OAF: variants seen among roughly 807,000 people sequenced by gnomAD.
OAF encodes the protein out at first homolog.
A neutral mutation model predicts 22.5 loss-of-function variants in OAF; 13 were observed. The observed-to-expected ratio is 0.58, with a 90% CI of 0.38 to 0.92. The LOEUF is 0.92. Ranked by LOEUF, OAF falls within the 40% of genes least tolerant of loss-of-function variation. The pLI, the probability that OAF is intolerant of heterozygous loss-of-function variation, is 0.00. For synonymous variants in OAF, 175 were observed against 170.5 expected, an observed-to-expected ratio of 1.03 and a Z score of -0.21; for missense variants, 347 against 381.8, an observed-to-expected ratio of 0.91 and a Z score of 0.76.
At chr11:120,212,803 T>G (rs1407441740) in intron 1 of OAF, among the ~76,000 whole-genome samples, 2 of 143,944 alleles carry the variant, frequency 1.4e-5, no homozygotes, top group African/African-American at 5.2e-5. Flanking sequence ...GAGTTGGCAC[T>G]GACATTGGAC....
At chr11:120,217,903 C>G (rs933400970) in intron 1 of OAF, among the ~76,000 whole-genome samples, 1 of 152,184 alleles carries the variant, frequency 6.6e-6, no homozygotes, top group Non-Finnish European at 1.5e-5. Flanking sequence ...TCATGAGGAG[C>G]TAACATCCTT....
intron 3 of OAF, among the ~76,000 whole-genome samples, 158 bp from the exon 4 acceptor site, chr11:120,228,710 T>TA (rs1197459686): frequency 1.3e-5 from 2 of 152,196 alleles, no homozygotes; most frequent in Non-Finnish European, 2.9e-5. Flanking sequence ...AACCAGGTCT[T>TA]ACCTCTGTGT....
Position 120,211,465 on chromosome 11 carries a change from C to A in OAF, c.186C>A (p.Arg62=). 1 of 1,522,240 alleles carries A rather than the reference C, an allele frequency of 6.6e-7. No homozygotes were observed. Among genetic ancestry groups the A allele is most frequent in the Non-Finnish European group, 8.8e-7 (1 of 1,131,532 alleles). 94.3% of individuals were successfully genotyped at this position (1,522,240 alleles called of 1,614,324 possible). ...SDADSISLEL[R]KPDGTLVSFT... ...CGGACAGCATCAGCCTCGAGCTGCG[C>A]AAGCCCGACGGCACCCTCGTCTCCT... Residue 62 remains arginine (R), a synonymous_variant, in exon 1 of 4, where the codon CGC becomes CGA. Coordinates refer to ENST00000328965, the MANE Select transcript of OAF (RefSeq NM_178507.4).
intron 1 of OAF, among the ~76,000 whole-genome samples, chr11:120,222,118 C>G (rs150373673): frequency 0.015 from 2,255 of 152,302 alleles, 28 homozygotes; most frequent in Non-Finnish European, 0.025. Flanking sequence ...GCCCCAGAAC[C>G]TTGCCAGGGA....
intron 2 of OAF, 135 bp downstream of exon 2, chr11:120,225,930 A>AT: frequency 4.1e-6 from 3 of 729,004 alleles, no homozygotes; most frequent in Non-Finnish European, 6.6e-6. Context: ...CTAAGCTCTG[A>AT]TTCCCCAACC....
chr11:120,223,105 G>A (rs1385218557), intron 1 of OAF, among the ~76,000 whole-genome samples: 1 of 152,202 alleles, frequency 6.6e-6, no homozygotes, highest in South Asian at 2.1e-4. Context: ...TGGGCATGAT[G>A]GGGAGCGGGT....
At position 120,230,226 on chromosome 11, in the gene OAF, C is replaced by T. The variant is rs1431997911; in HGVS notation, c.*1084C>T. 1 of 152,160 alleles carries T rather than the reference C, an allele frequency of 6.6e-6. No homozygotes were observed. The highest frequency in any genetic ancestry group is 6.5e-5 in the Admixed American group (1 of 15,280). 9.4% of individuals were successfully genotyped at this position (152,160 alleles called of 1,614,324 possible). ...CAAGAGATGGGGTGGAGATTGGAACCCCGCTTCAGATCTGGGCTCGGCTAC... is the reference window on the plus strand; with the variant it reads ...CAAGAGATGGGGTGGAGATTGGAACTCCGCTTCAGATCTGGGCTCGGCTAC... On this transcript the variant is annotated 3_prime_UTR_variant, in exon 4 of 4. Coordinates refer to ENST00000328965, the MANE Select transcript of OAF (RefSeq NM_178507.4).
intron 1 of OAF, 36 bp from the exon 2 acceptor site, chr11:120,225,625 C>T (rs568087828): frequency 1.3e-6 from 2 of 1,545,612 alleles, no homozygotes; most frequent in African/African-American, 1.4e-5. Context: ...AGGTCCCACA[C>T]CCTCCAGCCG....
intron 1 of OAF, among the ~76,000 whole-genome samples, chr11:120,218,035 A>G (rs891426560): frequency 1.1e-4 from 16 of 152,222 alleles, no homozygotes; most frequent in African/African-American, 3.9e-4. Flanking sequence ...GCACTGAGTC[A>G]GCAGCACAGT....
chr11:120,212,445 G>A (rs776777473), intron 1 of OAF, among the ~76,000 whole-genome samples: 2 of 152,086 alleles, frequency 1.3e-5, no homozygotes, highest in Non-Finnish European at 2.9e-5. Flanking sequence ...CAGCAGGAAA[G>A]CTGGAGGAAA....
rs768259730 is a variant in OAF, at chr11:120,211,278, G to T, written c.-2G>T. The T allele has an allele frequency of 8.1e-7, 1 of 1,237,624 alleles. No individual in the cohort carries two copies. The allele number at this position is 1,237,624 out of a possible 1,614,324, so 76.7% of individuals were successfully genotyped here. A position where few individuals can be genotyped will look rare whatever the true frequency, so the allele number is the denominator to read the frequency against. Reference sequence around the variant, plus strand: ...GGCCGCGGACGGCAGCGGCCCCCGGGGATGCGCCTTCCCGGGGTACCCCTG... The same window carrying T: ...GGCCGCGGACGGCAGCGGCCCCCGGTGATGCGCCTTCCCGGGGTACCCCTG... On this transcript the variant is annotated 5_prime_UTR_variant, in exon 1 of 4. Coordinates refer to ENST00000328965, the MANE Select transcript of OAF (RefSeq NM_178507.4).
Position 120,211,232 on chromosome 11 carries a change from C to A in OAF, c.-48C>A. The A allele has an allele frequency of 3.5e-6, 4 of 1,152,556 alleles. No individual in the cohort carries two copies. The highest frequency in any genetic ancestry group is 4.3e-6 in the Non-Finnish European group (4 of 933,538). The allele number at this position is 1,152,556 out of a possible 1,614,324, so 71.4% of individuals were successfully genotyped here. ...GGCGAAGTTTGCCTGCGCCTCTCCC[C>A]GCCCCCACGCGGCGCGCCGGGGCCG... On this transcript the variant is annotated 5_prime_UTR_variant, in exon 1 of 4. Transcript: ENST00000328965.
chr11:120,212,410 T>C (rs72645479), intron 1 of OAF, among the ~76,000 whole-genome samples: 13,154 of 151,796 alleles, frequency 0.087, 1,361 homozygotes, highest in East Asian at 0.57. Context: ...TGGGCCTGGA[T>C]GGTGAGTGAC....
At chr11:120,211,831 G>A (rs1194755283) in intron 1 of OAF, among the ~76,000 whole-genome samples, 1 of 152,204 alleles carries the variant, frequency 6.6e-6, no homozygotes, top group Non-Finnish European at 1.5e-5. Flanking sequence ...TAGTGGGAAA[G>A]TCCTAGGCGA....
chr11:120,227,068 G>C (rs963923811), intron 3 of OAF, 72 bp downstream of exon 3: 2 of 1,086,670 alleles, frequency 1.8e-6, no homozygotes, highest in African/African-American at 3.1e-5. Context: ...CAGAGCAGTG[G>C]AGGAGGGCAG....
chr11:120,228,339 A>G (rs933739518), intron 3 of OAF, among the ~76,000 whole-genome samples: 3 of 151,146 alleles, frequency 2.0e-5, no homozygotes, highest in Non-Finnish European at 4.4e-5. Flanking sequence ...CCTGCCTCAG[A>G]CTCCTAAAGT....
intron 2 of OAF, 125 bp from the exon 3 acceptor site, chr11:120,226,691 C>A (rs1938360779): frequency 1.3e-6 from 1 of 799,888 alleles, no homozygotes; most frequent in Admixed American, 2.6e-5. Context: ...GGGGCTGCCA[C>A]CCTGCAGATG....
At chr11:120,212,397 A>C (rs1938161766) in intron 1 of OAF, among the ~76,000 whole-genome samples, 1 of 151,996 alleles carries the variant, frequency 6.6e-6, no homozygotes, top group Admixed American at 6.5e-5. Flanking sequence ...GATTATCAGG[A>C]AATGGGCCTG....
At chr11:120,227,841 C>G (rs547613247) in intron 3 of OAF, among the ~76,000 whole-genome samples, 2 of 152,230 alleles carry the variant, frequency 1.3e-5, no homozygotes, top group East Asian at 1.9e-4. Flanking sequence ...TCTTGCCCCC[C>G]ACACACATAC....
Sources: gnomAD v4.1 joint callset for allele counts (sites outside exome capture counted in the v4.1 genomes callset) on GRCh38, gnomAD v4.1.1 for gene constraint, MANE v1.5 for transcripts, NCBI Gene and HGNC (gene_info 2026-07-23, HGNC 2026-07-21) for gene names.